BMP8B: variants seen among roughly 807,000 people sequenced by gnomAD.
The protein encoded by BMP8B is bone morphogenetic protein 8b.
In BMP8B, 17 loss-of-function variants were observed where a neutral mutation model predicts 30.3. The ratio of observed to expected loss-of-function variants is 0.56; its 90% CI spans 0.38 to 0.84. The LOEUF is 0.84. Ranked by LOEUF, BMP8B falls within the 40% of genes least tolerant of loss-of-function variation. BMP8B has a pLI of 0.00. For synonymous variants in BMP8B, 131 were observed against 214.7 expected, an observed-to-expected ratio of 0.61 and a Z score of 3.41; for missense variants, 253 against 494.6, an observed-to-expected ratio of 0.51 and a Z score of 4.63.
chr1:39,778,264 G>A (rs1471197699), intron 1 of BMP8B, among the ~76,000 whole-genome samples: 2 of 151,830 alleles, frequency 1.3e-5, no homozygotes, highest in African/African-American at 2.4e-5. Flanking sequence ...AGAAGCCACC[G>A]ACATTCCCGT....
rs548362700 is a variant in BMP8B at position 39,788,258 on chromosome 1, G to C, written c.228C>G (p.Phe76Leu). 33 of 1,486,458 alleles carry C rather than the reference G, an allele frequency of 2.2e-5. No individual in the cohort carries two copies. The East Asian group carries it at 9.1e-4, about 41-fold the overall frequency. 92.1% of individuals were successfully genotyped at this position (1,486,458 alleles called of 1,614,324 possible). A position where few individuals can be genotyped will look rare whatever the true frequency, so the allele number is the denominator to read the frequency against. The stretch of plus-strand genomic sequence containing the variant: ...CCATGGCGTGGTACAGGTCCAGCAT[G>C]AAGAGCGGCGCGGACGCGGGCAGCC... ...ASRLPASAPL[F>L]MLDLYHAMAG... Residue 76 changes from phenylalanine to leucine, a missense_variant, in exon 1 of 7, where the codon TTC becomes TTG. Phe to Leu is a conservative substitution (Grantham distance 22, BLOSUM62 0). Around this residue, in one of 7 missense-constraint regions of BMP8B, gnomAD observed 52 missense variants for 68.3 expected, o/e 0.76. Coordinates refer to ENST00000372827, the MANE Select transcript of BMP8B (RefSeq NM_001720.5). This position sits in a 1 kb window ranked among gnomAD's most constrained non-coding sequence, Gnocchi z 5.8.
At chr1:39,771,396 C>A (rs1649972318) in intron 3 of BMP8B, 2 of 856,978 alleles carry the variant, frequency 2.3e-6, no homozygotes, top group Non-Finnish European at 3.2e-6. Flanking sequence ...AGGCTCTAGG[C>A]TAGGCCCGCG....
intron 3 of BMP8B, chr1:39,769,657 C>G (rs1424452998): frequency 1.3e-6 from 2 of 1,489,030 alleles, no homozygotes; most frequent in East Asian, 2.4e-5. Flanking sequence ...AACCCGGTGG[C>G]ACCCGCCCTG....
chr1:39,778,146 G>A (rs1650362841), intron 1 of BMP8B, among the ~76,000 whole-genome samples: 1 of 152,252 alleles, frequency 6.6e-6, no homozygotes, highest in South Asian at 2.1e-4. Context: ...TCTTCCCAAG[G>A]GTCTCTTGTC....
rs1649167799 is a variant in BMP8B, at chr1:39,762,724, CG to C, written c.1059+367del. 3 of 1,438,052 alleles carry C rather than the reference CG, an allele frequency of 2.1e-6. No homozygotes were observed. In the Admixed American group the frequency reaches 8.1e-5, roughly 39 times the overall value. 89.1% of individuals were successfully genotyped at this position (1,438,052 alleles called of 1,614,324 possible). A position where few individuals can be genotyped will look rare whatever the true frequency, so the allele number is the denominator to read the frequency against. On this transcript the variant is annotated intron_variant, in intron 6 of 6. Coordinates refer to ENST00000372827, the MANE Select transcript of BMP8B (RefSeq NM_001720.5). ...GGGCGGTCAGACTTGCCAGCGTACTCGGCGGCCCGTGTGCTAAGATCACACA... is the reference window on the plus strand; with the variant it reads ...GGGCGGTCAGACTTGCCAGCGTACTCGCGGCCCGTGTGCTAAGATCACACA...
At chr1:39,782,475 G>GT (rs761747994) in intron 1 of BMP8B, among the ~76,000 whole-genome samples, 1,597 of 149,988 alleles carry the variant, frequency 0.011, 10 homozygotes, top group Non-Finnish European at 0.015. Flanking sequence ...TTTTGTTTTT[G>GT]TTTTTTTTTG....
chr1:39,781,197 G>A (rs1650611963), intron 1 of BMP8B, among the ~76,000 whole-genome samples: 1 of 152,192 alleles, frequency 6.6e-6, no homozygotes, highest in East Asian at 1.9e-4. Flanking sequence ...TTCATAGACT[G>A]CTCTTAAAGC....
At chr1:39,777,840 C>T (rs1650337573) in intron 1 of BMP8B, among the ~76,000 whole-genome samples, 2 of 152,192 alleles carry the variant, frequency 1.3e-5, no homozygotes, top group South Asian at 2.1e-4. Context: ...GCCTCTTGTG[C>T]CTTCTACCTG....
At position 39,760,267 on chromosome 1, in the gene BMP8B, TG is replaced by T; in HGVS notation, c.*151del. ...GCAGGGCAAGGGGAGCATAGGAGCCTGGCATGAAGGAGAAAGGGTCATGTAC... is the reference window on the plus strand; with the variant it reads ...GCAGGGCAAGGGGAGCATAGGAGCCTGCATGAAGGAGAAAGGGTCATGTAC... On this transcript the variant is annotated 3_prime_UTR_variant, in exon 7 of 7. Transcript: ENST00000372827. 3 of 1,270,500 alleles carry T rather than the reference TG, an allele frequency of 2.4e-6. No homozygotes were observed. The highest frequency in any genetic ancestry group is 3.2e-6 in the Non-Finnish European group (3 of 937,258). 78.7% of individuals were successfully genotyped at this position (1,270,500 alleles called of 1,614,324 possible). A position where few individuals can be genotyped will look rare whatever the true frequency, so the allele number is the denominator to read the frequency against.
intron 1 of BMP8B, among the ~76,000 whole-genome samples, chr1:39,783,644 A>C (rs1026645978): frequency 6.6e-6 from 1 of 152,270 alleles, no homozygotes; most frequent in Admixed American, 6.5e-5. Flanking sequence ...ACAGTGGTTC[A>C]TGCCTGTAAT....
intron 3 of BMP8B, among the ~76,000 whole-genome samples, chr1:39,768,065 C>T (rs1007672118): frequency 6.0e-5 from 9 of 149,938 alleles, no homozygotes; most frequent in Admixed American, 6.6e-5. Flanking sequence ...GTCAACAGCA[C>T]GTGTGCACGC....
At chr1:39,761,987 G>A (rs1649052501) in intron 6 of BMP8B, among the ~76,000 whole-genome samples, 1 of 152,212 alleles carries the variant, frequency 6.6e-6, no homozygotes, top group Non-Finnish European at 1.5e-5. Context: ...AGCTGCAGAT[G>A]CAGTCACCTT....
Position 39,769,356 on chromosome 1 carries a change from C to T in BMP8B, c.674-4539G>A, listed in dbSNP as rs568716901. 8.0e-5 allele frequency among the ~76,000 whole-genome samples: 12 copies of T among 150,572 alleles called. 1 individual carries two copies. Among genetic ancestry groups the T allele is most frequent in the African/African-American group, 2.9e-4 (12 of 40,792 alleles). ...GATTTTCTCCCTCGTCAGTTTTTAT[C>T]TCCATTTCATGGTTCAAGTACGAGG... On this transcript the variant is annotated intron_variant, in intron 3 of 6. Coordinates refer to ENST00000372827, the MANE Select transcript of BMP8B (RefSeq NM_001720.5).
chr1:39,777,902 C>T (rs1178488648), intron 1 of BMP8B, among the ~76,000 whole-genome samples: 3 of 152,176 alleles, frequency 2.0e-5, no homozygotes, highest in Non-Finnish European at 4.4e-5. Context: ...CGGGTGGCCC[C>T]GTCCCTCTCA....
intron 1 of BMP8B, among the ~76,000 whole-genome samples, chr1:39,779,069 T>G (rs990693386): frequency 6.6e-6 from 1 of 152,200 alleles, no homozygotes; most frequent in African/African-American, 2.4e-5. Flanking sequence ...ATGTTCACAC[T>G]TGGGGCCAGT....
chr1:39,780,489 A>G (rs1650556545), intron 1 of BMP8B, among the ~76,000 whole-genome samples: 1 of 152,250 alleles, frequency 6.6e-6, no homozygotes, highest in Non-Finnish European at 1.5e-5. Context: ...TGAACTCTGA[A>G]TGCCAGGCTG....
chr1:39,760,546 G>C lies in BMP8B; in HGVS notation c.1082C>G (p.Ala361Gly). Residue 361 changes from alanine (A) to glycine (G), a missense_variant, in exon 7 of 7, where the codon GCA becomes GGA. Ala to Gly is a moderately conservative substitution (Grantham distance 60, BLOSUM62 0). This residue lies in a region of BMP8B where 116 missense variants were observed against 142.3 expected (regional missense o/e 0.81). Coordinates refer to ENST00000372827, the MANE Select transcript of BMP8B (RefSeq NM_001720.5). ...QSLVHLMMPD[A>G]VPKACCAPTK... ...GGGTGCACAGCACGCCTTGGGGACT[G>C]CGTCTGGCATCATCAGGTGCACCTG... 1 of 1,614,002 alleles carries C rather than the reference G, an allele frequency of 6.2e-7. No individual in the cohort carries two copies. The highest frequency in any genetic ancestry group is 8.5e-7 in the Non-Finnish European group (1 of 1,179,998).
intron 1 of BMP8B, among the ~76,000 whole-genome samples, chr1:39,776,552 C>T (rs897447437): frequency 4.6e-5 from 7 of 152,252 alleles, no homozygotes; most frequent in South Asian, 4.1e-4. Context: ...GGACCTGGTC[C>T]GGCCATGGGC....
intron 6 of BMP8B, among the ~76,000 whole-genome samples, chr1:39,762,069 C>T (rs1012362326): frequency 3.3e-5 from 5 of 152,202 alleles, no homozygotes; most frequent in East Asian, 1.9e-4. Context: ...GGCCGCCCCA[C>T]GCGTCCTCAT....
Sources: gnomAD v4.1 joint callset for allele counts (sites outside exome capture counted in the v4.1 genomes callset) on GRCh38, gnomAD v4.1.1 for gene constraint, gnomAD v4.1.1 regional missense constraint, Gnocchi (gnomAD v3.1) non-coding constraint, MANE v1.5 for transcripts, NCBI Gene and HGNC (gene_info 2026-07-23, HGNC 2026-07-21) for gene names.